CYYR1: variants seen among roughly 807,000 people sequenced by gnomAD.
CYYR1 encodes the protein cysteine and tyrosine rich 1.
In CYYR1, 14 loss-of-function variants were observed where a neutral mutation model predicts 15.2. The observed-to-expected ratio is 0.92, with a 90% CI of 0.61 to 1.44. The LOEUF (loss-of-function observed/expected upper bound fraction) is 1.44, where lower values mean the gene tolerates loss of function less well. Among genes scored for constraint, CYYR1 ranks in the 40% most tolerant of loss-of-function variants. The pLI is 0.00. For missense variants in CYYR1, 228 were observed against 209.5 expected, an observed-to-expected ratio of 1.09 and a Z score of -0.54; for synonymous variants, 80 against 77.4, an observed-to-expected ratio of 1.03 and a Z score of -0.18.
intron 2 of CYYR1, among the ~76,000 whole-genome samples, chr21:26,559,607 A>G (rs935942871): frequency 1.3e-5 from 2 of 152,076 alleles, no homozygotes; most frequent in Non-Finnish European, 2.9e-5. Flanking sequence ...GTTTTTACAT[A>G]TTTAGTCTGA....
intron 2 of CYYR1, among the ~76,000 whole-genome samples, chr21:26,529,624 T>C (rs1010717245): frequency 6.6e-6 from 1 of 152,230 alleles, no homozygotes; most frequent in African/African-American, 2.4e-5. Flanking sequence ...ACCAGTAGCA[T>C]AGTGCATATA....
intron 2 of CYYR1, among the ~76,000 whole-genome samples, chr21:26,548,948 A>G (rs2123677770): frequency 6.6e-6 from 1 of 152,338 alleles, no homozygotes; most frequent in South Asian, 2.1e-4. Context: ...TATAAGCTTG[A>G]ATGTGATTTA....
chr21:26,484,469 A>G (rs1431987158), intron 2 of CYYR1, among the ~76,000 whole-genome samples: 1 of 152,164 alleles, frequency 6.6e-6, no homozygotes, highest in Non-Finnish European at 1.5e-5. Context: ...AATGTGAGAC[A>G]TATTTGGATG....
At chr21:26,531,633 C>G (rs1050646509) in intron 2 of CYYR1, among the ~76,000 whole-genome samples, 2 of 152,132 alleles carry the variant, frequency 1.3e-5, no homozygotes, top group African/African-American at 4.8e-5. Context: ...AGCTGTGGAA[C>G]TAACTCTTCC....
At chr21:26,569,722 T>C (rs933266673) in intron 1 of CYYR1, among the ~76,000 whole-genome samples, 1 of 152,234 alleles carries the variant, frequency 6.6e-6, no homozygotes, top group Non-Finnish European at 1.5e-5. Context: ...TTTTGAACCA[T>C]GTCCAGGACA....
intron 2 of CYYR1, chr21:26,551,834 G>C (rs1386836136): frequency 4.2e-6 from 1 of 238,214 alleles, no homozygotes; most frequent in African/African-American, 2.3e-5. Context: ...CAGCAGTAGG[G>C]TTTAGAAGGA....
intron 1 of CYYR1, among the ~76,000 whole-genome samples, chr21:26,566,873 G>A (rs8130654): frequency 0.078 from 11,785 of 151,910 alleles, 1,579 homozygotes; most frequent in African/African-American, 0.27. Context: ...GCTGGGTGTC[G>A]TGGTGCACAC....
chr21:26,478,788 T>C (rs960544137), intron 3 of CYYR1, among the ~76,000 whole-genome samples: 13 of 152,206 alleles, frequency 8.5e-5, no homozygotes, highest in African/African-American at 2.9e-4. Flanking sequence ...AGTAACAATA[T>C]CTACTTCTCA....
chr21:26,499,429 C>T (rs938501625), intron 2 of CYYR1, among the ~76,000 whole-genome samples: 1 of 152,200 alleles, frequency 6.6e-6, no homozygotes, highest in Non-Finnish European at 1.5e-5. Flanking sequence ...TATGGCTCTG[C>T]TGACACACTG....
chr21:26,559,432 A>G (rs1980043925), intron 2 of CYYR1, among the ~76,000 whole-genome samples: 1 of 152,206 alleles, frequency 6.6e-6, no homozygotes, highest in Non-Finnish European at 1.5e-5. Flanking sequence ...AAATCAAGAT[A>G]TAATTCACGT....
chr21:26,526,245 C>T (rs1031695853), intron 2 of CYYR1, among the ~76,000 whole-genome samples: 2 of 152,034 alleles, frequency 1.3e-5, no homozygotes, highest in Non-Finnish European at 2.9e-5. Flanking sequence ...GTCAGGAGTT[C>T]GAAACCAGCC....
At chr21:26,511,793 T>C (rs1347018375) in intron 2 of CYYR1, among the ~76,000 whole-genome samples, 1 of 152,202 alleles carries the variant, frequency 6.6e-6, no homozygotes, top group Non-Finnish European at 1.5e-5. Flanking sequence ...CCTCCTTTTA[T>C]TCTTTTAAGA....
chr21:26,499,412 G>A (rs143820905), intron 2 of CYYR1, among the ~76,000 whole-genome samples: 1 of 152,230 alleles, frequency 6.6e-6, no homozygotes, highest in Non-Finnish European at 1.5e-5. Flanking sequence ...AGGGATTCCA[G>A]AGGGAGTATG....
intron 2 of CYYR1, among the ~76,000 whole-genome samples, chr21:26,563,597 A>C (rs978079276): frequency 1.4e-5 from 2 of 143,876 alleles, no homozygotes; most frequent in Non-Finnish European, 3.1e-5. Flanking sequence ...AATACAATAA[A>C]TAAAAAAGGA....
At chr21:26,513,814 A>G (rs369543427) in intron 2 of CYYR1, among the ~76,000 whole-genome samples, 11 of 151,218 alleles carry the variant, frequency 7.3e-5, no homozygotes, top group African/African-American at 2.2e-4. Context: ...TATTGCAAGG[A>G]CAAAAAACCA....
At chr21:26,516,706 A>G (rs556975921) in intron 2 of CYYR1, among the ~76,000 whole-genome samples, 1 of 152,234 alleles carries the variant, frequency 6.6e-6, no homozygotes, top group African/African-American at 2.4e-5. Context: ...GGAATGTGTG[A>G]TAATTGATTT....
intron 2 of CYYR1, among the ~76,000 whole-genome samples, chr21:26,524,493 A>C (rs2065839413): frequency 6.6e-6 from 1 of 152,210 alleles, no homozygotes; most frequent in Non-Finnish European, 1.5e-5. Flanking sequence ...CTCAGCAACA[A>C]ACTGTACAAG....
At chr21:26,526,457 A>C (rs1273926651) in intron 2 of CYYR1, among the ~76,000 whole-genome samples, 1 of 151,804 alleles carries the variant, frequency 6.6e-6, no homozygotes, top group Non-Finnish European at 1.5e-5. Flanking sequence ...CCACCCCCCA[A>C]CAACAACAAC....
rs770885517 is a variant in CYYR1 at position 26,545,567 on chromosome 21, C to CTTTTTTTTTTTT, written c.176+20687_176+20698dup. Among the ~76,000 whole-genome samples the CTTTTTTTTTTTT allele has an allele frequency of 5.4e-4, 40 of 73,748 alleles. 8 individuals carry two copies. Among genetic ancestry groups the CTTTTTTTTTTTT allele is most frequent in the African/African-American group, 1.4e-3 (23 of 16,974 alleles). 48.4% of individuals were successfully genotyped at this position (73,748 alleles called of 152,430 possible). A position where few individuals can be genotyped will look rare whatever the true frequency, so the allele number is the denominator to read the frequency against. On this transcript the variant is annotated intron_variant, in intron 2 of 3. Transcript: ENST00000652641. ...CCTTCTGGTTAATAAGATGCTTATTCTTTTTTTTTTTTTTTTTTTTTTTTT... is the reference window on the plus strand; with the variant it reads ...CCTTCTGGTTAATAAGATGCTTATTCTTTTTTTTTTTTTTTTTTTTTTTTTTTTTTTTTTTTT...
Sources: gnomAD v4.1 joint callset for allele counts (sites outside exome capture counted in the v4.1 genomes callset) on GRCh38, gnomAD v4.1.1 for gene constraint, MANE v1.5 for transcripts, NCBI Gene and HGNC (gene_info 2026-07-23, HGNC 2026-07-21) for gene names.